The following EEFSEC variants were observed in gnomAD, a reference collection of about 807,000 sequenced individuals.
The protein encoded by EEFSEC is eukaryotic elongation factor, selenocysteine-tRNA specific, also known as selenocysteine-specific elongation factor.
In EEFSEC, 43 loss-of-function variants were observed where a neutral mutation model predicts 42.1. The observed-to-expected ratio is 1.02, with a 90% CI of 0.80 to 1.32. The LOEUF (loss-of-function observed/expected upper bound fraction) is 1.32, where lower values mean the gene tolerates loss of function less well. Among genes scored for constraint, EEFSEC ranks in the 40% most tolerant of loss-of-function variants. The pLI, the probability that EEFSEC is intolerant of heterozygous loss-of-function variation, is 0.00. For missense variants in EEFSEC, 745 were observed against 803.6 expected, an observed-to-expected ratio of 0.93 and a Z score of 0.88; for synonymous variants, 354 against 339.1, an observed-to-expected ratio of 1.04 and a Z score of -0.48.
chr3:128,359,941 AC>A (rs1559939245), intron 6 of EEFSEC, among the ~76,000 whole-genome samples: 1 of 152,058 alleles, frequency 6.6e-6, no homozygotes, highest in Non-Finnish European at 1.5e-5. Flanking sequence ...TTGCCAGGGA[AC>A]CCCTTCCTTT....
chr3:128,311,376 G>T (rs577668170), intron 4 of EEFSEC, among the ~76,000 whole-genome samples: 1 of 152,356 alleles, frequency 6.6e-6, no homozygotes, highest in East Asian at 1.9e-4. Flanking sequence ...GCATGGACAT[G>T]TTAAATGTTT....
chr3:128,346,400 C>T (rs555695170), intron 5 of EEFSEC, among the ~76,000 whole-genome samples: 3 of 152,304 alleles, frequency 2.0e-5, no homozygotes, highest in African/African-American at 7.2e-5. Context: ...TTTTGCGTGT[C>T]TGCTATGATG....
At chr3:128,415,415 G>A in the EEFSEC span, among the ~76,000 whole-genome samples, 1 of 152,156 alleles carries the variant, frequency 6.6e-6, no homozygotes, top group Non-Finnish European at 1.5e-5. Context: ...TGAGCAGGGC[G>A]CTTCTGGGTG....
chr3:128,391,148 A>G (rs1252684928), intron 6 of EEFSEC, among the ~76,000 whole-genome samples: 1 of 152,218 alleles, frequency 6.6e-6, no homozygotes, highest in Non-Finnish European at 1.5e-5. Context: ...TGCATAGAGT[A>G]GGTGCTCGCT....
At chr3:128,245,802 G>A (rs2066120479) in intron 1 of EEFSEC, among the ~76,000 whole-genome samples, 1 of 152,054 alleles carries the variant, frequency 6.6e-6, no homozygotes, top group South Asian at 2.1e-4. Flanking sequence ...AGCTGACCTA[G>A]TGTGCGTAGT....
chr3:128,241,407 A>C (rs1478791567), intron 1 of EEFSEC, among the ~76,000 whole-genome samples: 4 of 151,996 alleles, frequency 2.6e-5, no homozygotes, highest in African/African-American at 9.7e-5. Context: ...ACAGGGTTTC[A>C]CCATGTTGCC....
intron 5 of EEFSEC, among the ~76,000 whole-genome samples, chr3:128,353,790 G>A (rs1179307106): frequency 2.0e-5 from 3 of 152,334 alleles, no homozygotes; most frequent in African/African-American, 4.8e-5. Flanking sequence ...CACTAGCTGC[G>A]TGACTTTGAG....
At chr3:128,359,330 G>A (rs189577276) in intron 6 of EEFSEC, among the ~76,000 whole-genome samples, 17 of 152,344 alleles carry the variant, frequency 1.1e-4, no homozygotes, top group East Asian at 1.9e-4. Flanking sequence ...CATACTGTGC[G>A]CTGGGGACCG....
intron 2 of EEFSEC, among the ~76,000 whole-genome samples, chr3:128,254,599 C>T (rs900357439): frequency 1.6e-4 from 24 of 152,162 alleles, no homozygotes; most frequent in African/African-American, 5.8e-4. Context: ...GTGAGGTTTG[C>T]CTAGGAGAGG....
intron 4 of EEFSEC, among the ~76,000 whole-genome samples, chr3:128,276,624 T>C (rs557098317): frequency 2.0e-4 from 31 of 152,334 alleles, no homozygotes; most frequent in African/African-American, 6.5e-4. Context: ...CTTGAGCACC[T>C]ACTATGAGCC....
chr3:128,393,515 G>A (rs2067941829), intron 6 of EEFSEC, among the ~76,000 whole-genome samples: 1 of 152,214 alleles, frequency 6.6e-6, no homozygotes, highest in African/African-American at 2.4e-5. Context: ...GGCCAGAGGT[G>A]CTCCAAGCTG....
intron 6 of EEFSEC, among the ~76,000 whole-genome samples, chr3:128,400,801 T>C (rs1172674844): frequency 2.0e-5 from 3 of 152,162 alleles, no homozygotes; most frequent in African/African-American, 7.2e-5. Context: ...TGGGAAACAG[T>C]TGTGCTTCCC....
intron 4 of EEFSEC, among the ~76,000 whole-genome samples, chr3:128,268,446 G>A (rs944675465): frequency 3.9e-5 from 6 of 152,158 alleles, no homozygotes; most frequent in African/African-American, 1.4e-4. Flanking sequence ...TGGGATGGAT[G>A]TAAATTTTGG....
chr3:128,190,067 C>T (rs908633017), intron 1 of EEFSEC, among the ~76,000 whole-genome samples: 21 of 152,020 alleles, frequency 1.4e-4, no homozygotes, highest in Non-Finnish European at 3.1e-4. Flanking sequence ...TTCACCATGT[C>T]CCCCAGGCTG....
intron 4 of EEFSEC, among the ~76,000 whole-genome samples, chr3:128,278,587 G>C (rs1171899649): frequency 6.6e-6 from 1 of 152,262 alleles, no homozygotes; most frequent in Non-Finnish European, 1.5e-5. Flanking sequence ...TTTATGTGCT[G>C]TTGGTGGCTC....
At chr3:128,203,786 T>C (rs1011429737) in intron 1 of EEFSEC, among the ~76,000 whole-genome samples, 1 of 152,236 alleles carries the variant, frequency 6.6e-6, no homozygotes, top group Non-Finnish European at 1.5e-5. Flanking sequence ...ATACCACCTA[T>C]CTTATTGATT....
chr3:128,320,442 A>T (rs1049303114), intron 4 of EEFSEC, among the ~76,000 whole-genome samples: 8 of 152,268 alleles, frequency 5.3e-5, no homozygotes, highest in South Asian at 2.1e-4. Context: ...CACGTGGATT[A>T]TCTCAATGTA....
At chr3:128,190,824 A>T (rs989019300) in intron 1 of EEFSEC, among the ~76,000 whole-genome samples, 5 of 152,094 alleles carry the variant, frequency 3.3e-5, no homozygotes, top group African/African-American at 1.2e-4. Flanking sequence ...TCCCTTTTTT[A>T]TGTTTAGATA....
chr3:128,286,337 C>T lies in EEFSEC; in HGVS notation c.786+21556C>T, dbSNP rs116825828. On this transcript the variant is annotated intron_variant, in intron 4 of 6. Coordinates refer to ENST00000254730, the MANE Select transcript of EEFSEC (RefSeq NM_021937.5). Reference sequence around the variant, plus strand: ...CCTTGCACACAGAGCTTGATCCAGGCGGGAAGCAGGAGGGAGTTAAACTCT... The same window carrying T: ...CCTTGCACACAGAGCTTGATCCAGGTGGGAAGCAGGAGGGAGTTAAACTCT... 4.6e-3 allele frequency among the ~76,000 whole-genome samples: 697 copies of T among 152,268 alleles called. 4 individuals carry two copies. The highest frequency in any genetic ancestry group is 0.015 in the African/African-American group (609 of 41,550).
Sources: gnomAD v4.1 joint callset for allele counts (sites outside exome capture counted in the v4.1 genomes callset) on GRCh38, gnomAD v4.1.1 for gene constraint, MANE v1.5 for transcripts, NCBI Gene and HGNC (gene_info 2026-07-23, HGNC 2026-07-21) for gene names.